Variants in PTBP3 observed in about 807,000 individuals in gnomAD.
The protein encoded by PTBP3 is polypyrimidine tract-binding protein 3.
A neutral mutation model predicts 58.7 loss-of-function variants in PTBP3; 20 were observed. The observed-to-expected ratio is 0.34, with a 90% CI of 0.24 to 0.50. The LOEUF is 0.50. PTBP3 is among the 20% of genes least tolerant of loss of function. PTBP3 has a pLI of 0.98. For missense variants in PTBP3, 509 were observed against 637.2 expected, an observed-to-expected ratio of 0.80 and a Z score of 2.17; for synonymous variants, 185 against 219.8, an observed-to-expected ratio of 0.84 and a Z score of 1.40.
chr9:112,282,873 G>A (rs1239026538), intron 2 of PTBP3, among the ~76,000 whole-genome samples: 4 of 152,100 alleles, frequency 2.6e-5, no homozygotes, highest in Admixed American at 6.6e-5. Flanking sequence ...CTGATGTGTC[G>A]AGGGAGGGAC....
intron 1 of PTBP3, 76 bp downstream of exon 1, chr9:112,333,394 T>TA: frequency 6.6e-7 from 1 of 1,519,358 alleles, no homozygotes; most frequent in Admixed American, 1.9e-5. Context: ...CCCCAGCCCT[T>TA]ACGCGTCCCG....
Position 112,220,086 on chromosome 9 carries a change from G to T in PTBP3, c.*3765C>A. Reference sequence around the variant, plus strand: ...GGCTAAGAAAAATGCTTTACGCATCGTCACGCTGTCTCTTTTTGGTTTTAA... The same window carrying T: ...GGCTAAGAAAAATGCTTTACGCATCTTCACGCTGTCTCTTTTTGGTTTTAA... On this transcript the variant is annotated 3_prime_UTR_variant, in exon 14 of 14. Coordinates refer to ENST00000374257, the MANE Select transcript of PTBP3 (RefSeq NM_001163788.4). The T allele has an allele frequency of 3.3e-6, 4 of 1,208,314 alleles. No homozygotes were observed. The highest frequency in any genetic ancestry group is 4.2e-6 in the Non-Finnish European group (4 of 948,462). The allele number at this position is 1,208,314 out of a possible 1,614,324, so 74.8% of individuals were successfully genotyped here.
At chr9:112,253,558 C>T (rs999834853) in intron 5 of PTBP3, among the ~76,000 whole-genome samples, 2 of 152,062 alleles carry the variant, frequency 1.3e-5, no homozygotes, top group African/African-American at 4.8e-5. Flanking sequence ...AAAACAACAA[C>T]ATATTTAGTT....
intron 12 of PTBP3, among the ~76,000 whole-genome samples, chr9:112,225,864 G>A (rs1589793008): frequency 6.6e-6 from 1 of 151,940 alleles, no homozygotes; most frequent in Non-Finnish European, 1.5e-5. Context: ...CTGGGCAAAT[G>A]GTAAAACCCT....
At chr9:112,293,124 C>G (rs997128049) in intron 2 of PTBP3, among the ~76,000 whole-genome samples, 5 of 152,038 alleles carry the variant, frequency 3.3e-5, no homozygotes, top group African/African-American at 1.2e-4. Flanking sequence ...AGAACCCAGA[C>G]AGGAAGGACG....
chr9:112,267,936 G>T, intron 4 of PTBP3, 113 bp downstream of exon 4: 1 of 995,918 alleles, frequency 1.0e-6, no homozygotes, highest in Non-Finnish European at 1.4e-6. Flanking sequence ...ATTATGACTA[G>T]TAAAGTATCC....
At chr9:112,268,516 G>A (rs992281842) in intron 3 of PTBP3, among the ~76,000 whole-genome samples, 9 of 150,410 alleles carry the variant, frequency 6.0e-5, no homozygotes, top group African/African-American at 2.0e-4. Flanking sequence ...GCAACACAGC[G>A]AGAACCCATC....
At chr9:112,267,222 G>A (rs1481107117) in intron 4 of PTBP3, among the ~76,000 whole-genome samples, 2 of 149,438 alleles carry the variant, frequency 1.3e-5, no homozygotes, top group East Asian at 2.0e-4. Flanking sequence ...CTGGAGTGCA[G>A]TGGCACGGTC....
chr9:112,222,583 C>G lies in PTBP3; in HGVS notation c.*1268G>C. 1 of 985,696 alleles carries G rather than the reference C, an allele frequency of 1.0e-6. No homozygotes were observed. Among genetic ancestry groups the G allele is most frequent in the Non-Finnish European group, 1.2e-6 (1 of 829,866 alleles). 61.1% of individuals were successfully genotyped at this position (985,696 alleles called of 1,614,324 possible). Reference sequence around the variant, plus strand: ...GGTGTGCACTGAATTATTCCCAAAACCATTCACCCTTCCCCACACCGTCTC... The same window carrying G: ...GGTGTGCACTGAATTATTCCCAAAAGCATTCACCCTTCCCCACACCGTCTC... On this transcript the variant is annotated 3_prime_UTR_variant, in exon 14 of 14. Coordinates refer to ENST00000374257, the MANE Select transcript of PTBP3 (RefSeq NM_001163788.4).
At chr9:112,253,942 A>C (rs1311848556) in intron 5 of PTBP3, among the ~76,000 whole-genome samples, 1 of 151,884 alleles carries the variant, frequency 6.6e-6, no homozygotes, top group Non-Finnish European at 1.5e-5. Flanking sequence ...ACTAATATTC[A>C]CTCCATTTTA....
At position 112,333,603 on chromosome 9, in the gene PTBP3, C is replaced by A. The variant is rs1009853918; in HGVS notation, c.-185G>T. 10 of 1,198,146 alleles carry A rather than the reference C, an allele frequency of 8.3e-6. No individual in the cohort carries two copies. Among genetic ancestry groups the A allele is most frequent in the Non-Finnish European group, 1.2e-5 (10 of 842,046 alleles). 74.2% of individuals were successfully genotyped at this position (1,198,146 alleles called of 1,614,324 possible). A position where few individuals can be genotyped will look rare whatever the true frequency, so the allele number is the denominator to read the frequency against. On this transcript the variant is annotated 5_prime_UTR_variant, in exon 1 of 14. Coordinates refer to ENST00000374257, the MANE Select transcript of PTBP3 (RefSeq NM_001163788.4). ...TGGCTCTGCGGAGCCCCGGCCGGTC[C>A]GAGGTGGAAGGAGAGTGGGAACAGG...
At chr9:112,379,864 T>G in the PTBP3 span, 4 of 519,422 alleles carry the variant, frequency 7.7e-6, no homozygotes, top group East Asian at 3.7e-5. Context: ...AGGAGCCTGA[T>G]TGTCACCGTA....
chr9:112,274,303 T>C (rs1407187501), intron 3 of PTBP3, among the ~76,000 whole-genome samples: 2 of 152,234 alleles, frequency 1.3e-5, no homozygotes, highest in Non-Finnish European at 2.9e-5. Context: ...ATCTATTTAT[T>C]TATAAATGTA....
At chr9:112,364,392 C>T in the PTBP3 span, among the ~76,000 whole-genome samples, 1 of 152,114 alleles carries the variant, frequency 6.6e-6, no homozygotes, top group Admixed American at 6.6e-5. Context: ...GGCACCATGG[C>T]TCATGCCTGT....
chr9:112,316,108 A>C (rs1040875286), intron 1 of PTBP3, among the ~76,000 whole-genome samples: 3 of 152,214 alleles, frequency 2.0e-5, no homozygotes, highest in Non-Finnish European at 4.4e-5. Context: ...AGTAAAGTTA[A>C]GCATATGCAT....
At chr9:112,263,405 G>C in intron 4 of PTBP3, among the ~76,000 whole-genome samples, 1 of 152,126 alleles carries the variant, frequency 6.6e-6, no homozygotes, top group East Asian at 1.9e-4. Context: ...CTAATCAAGT[G>C]ATCAAAGAGC....
At chr9:112,362,856 A>G in the PTBP3 span, 1 of 336,210 alleles carries the variant, frequency 3.0e-6, no homozygotes, top group Non-Finnish European at 5.7e-6. Context: ...AGAAGATTCA[A>G]GGGCCAGATC....
chr9:112,269,196 CAAAAAAA>C, intron 3 of PTBP3, among the ~76,000 whole-genome samples: 1 of 91,292 alleles, frequency 1.1e-5, no homozygotes, highest in Non-Finnish European at 2.2e-5. Flanking sequence ...AACTCTGTCT[CAAAAAAA>C]AAAAAAAAAA....
chr9:112,272,072 AT>A (rs1235774467), intron 3 of PTBP3, among the ~76,000 whole-genome samples: 1 of 125,912 alleles, frequency 7.9e-6, no homozygotes, highest in African/African-American at 3.4e-5. Flanking sequence ...CACTCTTTTT[AT>A]TTTTTATTTT....
Sources: gnomAD v4.1 joint callset for allele counts (sites outside exome capture counted in the v4.1 genomes callset) on GRCh38, gnomAD v4.1.1 for gene constraint, MANE v1.5 for transcripts, NCBI Gene and HGNC (gene_info 2026-07-23, HGNC 2026-07-21) for gene names.